The following KRAS variants were observed in gnomAD, a reference collection of about 807,000 sequenced individuals.
KRAS encodes KRas proto-oncogene, GTPase, also known as GTPase KRas.
KRAS carries 1 observed loss-of-function variant against 21.0 expected under a neutral mutation model. That is an observed-to-expected ratio of 0.05 (90% CI 0.02 to 0.23). The LOEUF is 0.23. Ranked by LOEUF, KRAS falls within the 10% of genes least tolerant of loss-of-function variation. The probability of loss-of-function intolerance (pLI) is 1.00; values close to 1 mark genes in which losing one functional copy is unlikely to be tolerated. For missense variants in KRAS, 107 were observed against 221.8 expected (o/e 0.48, Z 3.29); for synonymous variants, 67 against 72.5 (o/e 0.92, Z 0.39).
At chr12:25,223,295 T>A (rs4485191) in intron 4 of KRAS, among the ~76,000 whole-genome samples, 6,107 of 152,250 alleles carry the variant, frequency 0.04, 406 homozygotes, top group African/African-American at 0.13. Context: ...AATTTTGTAT[T>A]TGAAAATGTT....
At chr12:25,231,196 G>C (rs767712960) in intron 2 of KRAS, among the ~76,000 whole-genome samples, 4 of 147,652 alleles carry the variant, frequency 2.7e-5, no homozygotes, top group Non-Finnish European at 5.9e-5. Flanking sequence ...CCGCCTCCCA[G>C]GTTCAAGCGA....
chr12:25,218,581 A>C (rs930629273), intron 4 of KRAS, among the ~76,000 whole-genome samples: 7 of 152,150 alleles, frequency 4.6e-5, no homozygotes, highest in African/African-American at 1.7e-4. Flanking sequence ...TAGGTTTTAG[A>C]GTACCAGTTA....
intron 4 of KRAS, among the ~76,000 whole-genome samples, chr12:25,221,958 G>T (rs983250996): frequency 2.0e-5 from 3 of 152,100 alleles, no homozygotes; most frequent in Non-Finnish European, 4.4e-5. Flanking sequence ...AGACCATCCT[G>T]GCTAACACAG....
intron 2 of KRAS, among the ~76,000 whole-genome samples, chr12:25,237,457 G>A (rs1592817096): frequency 6.6e-6 from 1 of 152,306 alleles, no homozygotes; most frequent in Admixed American, 6.5e-5. Flanking sequence ...CGAAGGAAAA[G>A]ATGAGTGATA....
chr12:25,229,813 G>T (rs182660575), intron 2 of KRAS, among the ~76,000 whole-genome samples: 82 of 151,370 alleles, frequency 5.4e-4, no homozygotes, highest in South Asian at 6.3e-4. Context: ...CTGTCGCCCA[G>T]GCTGGAGTGC....
chr12:25,218,094 A>G (rs1482791596), intron 4 of KRAS, among the ~76,000 whole-genome samples: 1 of 152,178 alleles, frequency 6.6e-6, no homozygotes, highest in Non-Finnish European at 1.5e-5. Flanking sequence ...ATACTTTCAC[A>G]AATGGTTCTC....
chr12:25,250,633 C>T (rs1951755654), intron 1 of KRAS, 118 bp downstream of exon 1: 1 of 167,810 alleles, frequency 6.0e-6, no homozygotes, highest in African/African-American at 2.4e-5. Flanking sequence ...CGCGCCCGCG[C>T]CCCCCACCCG....
chr12:25,244,042 T>A (rs1951644900), intron 2 of KRAS, among the ~76,000 whole-genome samples: 1 of 152,198 alleles, frequency 6.6e-6, no homozygotes, highest in African/African-American at 2.4e-5. Context: ...CGTTTCCTTA[T>A]GATTAGTTAT....
rs762047595 is a variant in KRAS, at chr12:25,225,611, T to C, written c.450+3A>G. On this transcript the variant is annotated splice_donor_region_variant and intron_variant, in intron 4 of 4. Transcript: ENST00000311936. ...GATCTGTATTTATTTCAGTGTTACT[T>C]ACCTGTCTTGTCTTTGCTGATGTTT... 1.2e-6 allele frequency: 2 copies of C among 1,612,704 alleles called. No homozygotes were observed. Among genetic ancestry groups the C allele is most frequent in the Non-Finnish European group, 1.7e-6 (2 of 1,179,236 alleles).
rs975112185 is a variant in KRAS, at chr12:25,208,414, G to A, written c.*1381C>T. Reference sequence around the variant, plus strand: ...TTAAAGCATTATTAAATATGGATCAGACTTGAAAAGTGTTTATGCAATGTT... The same window carrying A: ...TTAAAGCATTATTAAATATGGATCAAACTTGAAAAGTGTTTATGCAATGTT... On this transcript the variant is annotated 3_prime_UTR_variant, in exon 5 of 5. Transcript: ENST00000311936. The A allele has an allele frequency of 8.6e-6, 2 of 232,822 alleles. No individual in the cohort carries two copies. The highest frequency in any genetic ancestry group is 1.7e-5 in the Non-Finnish European group (2 of 117,772). 14.4% of individuals were successfully genotyped at this position (232,822 alleles called of 1,614,324 possible). A position where few individuals can be genotyped will look rare whatever the true frequency, so the allele number is the denominator to read the frequency against.
intron 2 of KRAS, chr12:25,234,541 A>T (rs977768343): frequency 1.1e-5 from 2 of 185,286 alleles, no homozygotes; most frequent in African/African-American, 4.7e-5. Context: ...GAGGAGTAAT[A>T]ATGTTATATA....
chr12:25,240,381 T>C (rs568244973), intron 2 of KRAS, among the ~76,000 whole-genome samples: 2 of 152,298 alleles, frequency 1.3e-5, no homozygotes, highest in Admixed American at 1.3e-4. Context: ...TTCAACCAAT[T>C]ATGGATAAAA....
chr12:25,218,198 T>C (rs1951276677), intron 4 of KRAS, among the ~76,000 whole-genome samples: 2 of 151,598 alleles, frequency 1.3e-5, no homozygotes, highest in Non-Finnish European at 2.9e-5. Context: ...TTTCATAAAT[T>C]TTCTAAGAAT....
In KRAS at chr12:25,207,713, A is replaced by C; in HGVS notation, c.*2082T>G. On this transcript the variant is annotated 3_prime_UTR_variant, in exon 5 of 5. Transcript: ENST00000311936. ...TGTCTATTCATACCAGGTTTGAAAA[A>C]TCCTACTGTCGCTAATGGATTGGGC... is the stretch of plus-strand genomic sequence containing the variant. 1 of 232,426 alleles carries C rather than the reference A, an allele frequency of 4.3e-6. No individual in the cohort carries two copies. Among genetic ancestry groups the C allele is most frequent in the Non-Finnish European group, 8.5e-6 (1 of 117,596 alleles). 14.4% of individuals were successfully genotyped at this position (232,426 alleles called of 1,614,324 possible).
intron 1 of KRAS, among the ~76,000 whole-genome samples, chr12:25,248,470 G>A (rs1415349263): frequency 6.6e-6 from 1 of 152,050 alleles, no homozygotes; most frequent in Non-Finnish European, 1.5e-5. Flanking sequence ...AAAGAGGGTA[G>A]AGGGGTCGTT....
intron 4 of KRAS, among the ~76,000 whole-genome samples, chr12:25,219,244 T>C (rs1439450602): frequency 6.6e-6 from 1 of 152,148 alleles, no homozygotes; most frequent in Non-Finnish European, 1.5e-5. Context: ...CCTACTTTTG[T>C]TTTTATACAC....
chr12:25,239,820 G>A (rs1278163609), intron 2 of KRAS, among the ~76,000 whole-genome samples: 3 of 152,158 alleles, frequency 2.0e-5, no homozygotes, highest in Admixed American at 6.5e-5. Context: ...GGGTGTGGTG[G>A]TGCATGCCTG....
At position 25,205,791 on chromosome 12, in the gene KRAS, T is replaced by TTAAAC. The variant is rs1452937681; in HGVS notation, c.*3999_*4003dup. On this transcript the variant is annotated 3_prime_UTR_variant, in exon 5 of 5. Coordinates refer to ENST00000311936, the MANE Select transcript of KRAS (RefSeq NM_004985.5). ...TATCCCAAACAGGCACTTCAAACTA[T>TTAAAC]TAAACTAAAACACAGATCTTAATCT... 1 of 217,122 alleles carries TTAAAC rather than the reference T, an allele frequency of 4.6e-6. No homozygotes were observed. Among genetic ancestry groups the TTAAAC allele is most frequent in the East Asian group, 6.9e-5 (1 of 14,524 alleles). The allele number at this position is 217,122 out of a possible 1,614,324, so 13.4% of individuals were successfully genotyped here.
At chr12:25,222,859 G>C (rs920940136) in intron 4 of KRAS, among the ~76,000 whole-genome samples, 1 of 152,114 alleles carries the variant, frequency 6.6e-6, no homozygotes, top group Non-Finnish European at 1.5e-5. Flanking sequence ...CACCAAAAAG[G>C]AGACACAGCT....
Sources: gnomAD v4.1 joint callset for allele counts (sites outside exome capture counted in the v4.1 genomes callset) on GRCh38, gnomAD v4.1.1 for gene constraint, MANE v1.5 for transcripts, NCBI Gene and HGNC (gene_info 2026-07-23, HGNC 2026-07-21) for gene names.